Variants in CACNB4 observed in about 807,000 individuals in gnomAD.
CACNB4 encodes the protein calcium voltage-gated channel auxiliary subunit beta 4, also known as voltage-dependent L-type calcium channel subunit beta-4.
Under a neutral mutation model 71.2 loss-of-function variants are expected in CACNB4, and 32 were observed. The ratio of observed to expected loss-of-function variants is 0.45; its 90% CI spans 0.34 to 0.60. CACNB4 has a LOEUF of 0.60. Ranked by LOEUF, CACNB4 falls within the 20% of genes least tolerant of loss-of-function variation. CACNB4 has a pLI of 0.01. For synonymous variants in CACNB4, 231 were observed against 236.9 expected (o/e 0.97, Z 0.23); for missense variants, 464 against 647.9 (o/e 0.72, Z 3.08).
At chr2:152,078,474 C>T (rs1687162487) in intron 2 of CACNB4, among the ~76,000 whole-genome samples, 1 of 152,216 alleles carries the variant, frequency 6.6e-6, no homozygotes, top group Admixed American at 6.5e-5. Flanking sequence ...TCCATTCTCT[C>T]CTTCCTTCCA....
intron 9 of CACNB4, among the ~76,000 whole-genome samples, chr2:151,863,203 T>C (rs532462597): frequency 6.6e-6 from 1 of 151,672 alleles, no homozygotes; most frequent in African/African-American, 2.4e-5. Context: ...GTAGCTGGGA[T>C]TGCAAGCATG....
intron 2 of CACNB4, among the ~76,000 whole-genome samples, chr2:151,998,536 C>G (rs1210579593): frequency 6.6e-6 from 1 of 152,058 alleles, no homozygotes; most frequent in Non-Finnish European, 1.5e-5. Flanking sequence ...ACCATAAGTG[C>G]CATTTGCCTC....
intron 2 of CACNB4, among the ~76,000 whole-genome samples, chr2:152,054,943 T>C (rs763174886): frequency 2.0e-5 from 3 of 152,216 alleles, no homozygotes; most frequent in Non-Finnish European, 2.9e-5. Flanking sequence ...TAAAAGTTCT[T>C]TATATATCCT....
intron 2 of CACNB4, among the ~76,000 whole-genome samples, chr2:151,896,945 G>C (rs2099852240): frequency 6.6e-6 from 1 of 152,148 alleles, no homozygotes; most frequent in Non-Finnish European, 1.5e-5. Flanking sequence ...GTGAACCCTG[G>C]TTGGACTGGC....
At chr2:152,023,768 C>G (rs1253657177) in intron 2 of CACNB4, among the ~76,000 whole-genome samples, 1 of 152,192 alleles carries the variant, frequency 6.6e-6, no homozygotes, top group Admixed American at 6.5e-5. Context: ...TCTGGACTTA[C>G]ATTTTAAATA....
chr2:151,838,978 T>C lies in CACNB4; in HGVS notation c.*141A>G. On this transcript the variant is annotated 3_prime_UTR_variant, in exon 14 of 14. Transcript: ENST00000539935. Reference sequence around the variant, plus strand: ...AAGGGCATAATGTAATTTTTTTTTTTGCCCCTTACTTAGCATAAAATGACA... The same window carrying C: ...AAGGGCATAATGTAATTTTTTTTTTCGCCCCTTACTTAGCATAAAATGACA... 1.6e-6 allele frequency: 1 copy of C among 642,358 alleles called. No homozygotes were observed. Among genetic ancestry groups the C allele is most frequent in the Non-Finnish European group, 2.6e-6 (1 of 386,116 alleles). 39.8% of individuals were successfully genotyped at this position (642,358 alleles called of 1,614,324 possible). A position where few individuals can be genotyped will look rare whatever the true frequency, so the allele number is the denominator to read the frequency against.
intron 2 of CACNB4, among the ~76,000 whole-genome samples, chr2:151,884,618 C>G (rs4257397): frequency 1 from 142,409 of 143,106 alleles, 70,863 homozygotes; most frequent in Middle Eastern, 1. Context: ...CTGGGCGACA[C>G]AGCGAGACTC....
In CACNB4 at chr2:152,098,278, C is replaced by G; in HGVS notation, c.147+52G>C. The G allele has an allele frequency of 6.9e-7, 1 of 1,458,356 alleles. No individual in the cohort carries two copies. Among genetic ancestry groups the G allele is most frequent in the Non-Finnish European group, 9.6e-7 (1 of 1,039,410 alleles). 90.3% of individuals were successfully genotyped at this position (1,458,356 alleles called of 1,614,324 possible). A position where few individuals can be genotyped will look rare whatever the true frequency, so the allele number is the denominator to read the frequency against. On this transcript the variant is annotated intron_variant, in intron 2 of 13. Coordinates refer to ENST00000539935, the MANE Select transcript of CACNB4 (RefSeq NM_000726.5). The surrounding 1 kb of genome is among the most constrained non-coding windows in gnomAD (Gnocchi z 5.3). ...GCCACGGCCGGCTCCAGGACCCCCG[C>G]GCCGCGCGCTCGGCCTCCTCCCCAT... is the stretch of plus-strand genomic sequence containing the variant.
chr2:152,041,361 T>A (rs1466676945), intron 2 of CACNB4, among the ~76,000 whole-genome samples: 1 of 152,180 alleles, frequency 6.6e-6, no homozygotes, highest in Admixed American at 6.5e-5. Context: ...ATAAGCTCAG[T>A]ACTTATGGGA....
At chr2:151,943,199 C>T (rs989742886) in intron 2 of CACNB4, among the ~76,000 whole-genome samples, 1 of 152,216 alleles carries the variant, frequency 6.6e-6, no homozygotes, top group African/African-American at 2.4e-5. Context: ...TAAAATTCCT[C>T]TCTTTGTACT....
At chr2:152,004,179 T>C (rs1018017401) in intron 2 of CACNB4, among the ~76,000 whole-genome samples, 2 of 152,162 alleles carry the variant, frequency 1.3e-5, no homozygotes, top group African/African-American at 4.8e-5. Context: ...ATTCCATAGC[T>C]ATATCCTGAA....
intron 2 of CACNB4, among the ~76,000 whole-genome samples, chr2:151,945,336 C>A (rs991877562): frequency 1.3e-5 from 2 of 152,210 alleles, no homozygotes; most frequent in Non-Finnish European, 2.9e-5. Flanking sequence ...CCTGCCTGCA[C>A]TTGCCCAGGG....
chr2:151,992,898 C>T (rs907465370), intron 2 of CACNB4, among the ~76,000 whole-genome samples: 1 of 152,192 alleles, frequency 6.6e-6, no homozygotes, highest in African/African-American at 2.4e-5. Flanking sequence ...GGAAATATTC[C>T]GCTTCCTAAA....
chr2:152,021,201 T>A (rs1683647426), intron 2 of CACNB4, among the ~76,000 whole-genome samples: 1 of 152,136 alleles, frequency 6.6e-6, no homozygotes. Flanking sequence ...GAGCAGAGAT[T>A]GCATCACTGC....
chr2:151,897,620 G>T (rs2099852409), intron 2 of CACNB4, among the ~76,000 whole-genome samples: 1 of 152,222 alleles, frequency 6.6e-6, no homozygotes, highest in Admixed American at 6.5e-5. Flanking sequence ...TTCTTCATTA[G>T]GGAATATAAG....
chr2:151,909,674 T>C (rs2099855718), intron 2 of CACNB4, among the ~76,000 whole-genome samples: 1 of 152,028 alleles, frequency 6.6e-6, no homozygotes, highest in Non-Finnish European at 1.5e-5. Context: ...AACGTGGTGT[T>C]TGGTTTTCGT....
intron 2 of CACNB4, among the ~76,000 whole-genome samples, chr2:152,087,139 TA>T (rs1274143106): frequency 1.3e-3 from 134 of 99,824 alleles, no homozygotes; most frequent in Admixed American, 3.6e-3. Flanking sequence ...ACTGAAAAAA[TA>T]AAAAAAAAAA....
At chr2:151,996,620 C>G (rs890282074) in intron 2 of CACNB4, among the ~76,000 whole-genome samples, 1 of 152,096 alleles carries the variant, frequency 6.6e-6, no homozygotes, top group African/African-American at 2.4e-5. Context: ...GTGAGTGACT[C>G]AAAAATAAAT....
intron 2 of CACNB4, among the ~76,000 whole-genome samples, chr2:151,888,472 G>A (rs1209099879): frequency 6.6e-6 from 1 of 152,074 alleles, no homozygotes; most frequent in African/African-American, 2.4e-5. Flanking sequence ...AGGCTGAGGT[G>A]GGAGGATTGC....
Sources: allele counts gnomAD v4.1 joint callset (sites outside exome capture counted in the v4.1 genomes callset), GRCh38; gene constraint gnomAD v4.1.1; non-coding constraint Gnocchi (gnomAD v3.1); transcripts MANE v1.5; gene names NCBI Gene and HGNC (gene_info 2026-07-23, HGNC 2026-07-21).